Variants in CHFR observed in about 807,000 individuals in gnomAD.
CHFR encodes checkpoint with forkhead and ring finger domains, also known as E3 ubiquitin-protein ligase CHFR.
CHFR carries 57 observed loss-of-function variants against 87.6 expected under a neutral mutation model. The observed-to-expected ratio is 0.65, with a 90% confidence interval of 0.53 to 0.81. CHFR has a LOEUF of 0.81. Among genes scored for constraint, CHFR ranks in the 30% least tolerant of loss-of-function variants. The pLI is 0.00. For missense variants in CHFR, 797 were observed against 865.8 expected, an observed-to-expected ratio of 0.92 and a Z score of 1.00; for synonymous variants, 381 against 359.2, an observed-to-expected ratio of 1.06 and a Z score of -0.69.
At position 132,857,564 on chromosome 12, in the gene CHFR, A is replaced by C; in HGVS notation, c.912-5T>G. 6.2e-7 allele frequency: 1 copy of C among 1,613,520 alleles called. No individual in the cohort carries two copies. Among genetic ancestry groups the C allele is most frequent in the Non-Finnish European group, 8.5e-7 (1 of 1,179,746 alleles). On this transcript the variant is annotated splice_region_variant and splice_polypyrimidine_tract_variant and intron_variant, in intron 8 of 17. Coordinates refer to ENST00000450056, the MANE Select transcript of CHFR (RefSeq NM_001161346.2). ...GTGTGCATGCAGGGCTGCAAACTGAAAGTGCAAGAGGAACAGTGTCCAGAC... is the reference window on the plus strand; with the variant it reads ...GTGTGCATGCAGGGCTGCAAACTGACAGTGCAAGAGGAACAGTGTCCAGAC...
At chr12:132,857,627 C>A in intron 8 of CHFR, 68 bp from the exon 9 acceptor site, 2 of 1,512,468 alleles carry the variant, frequency 1.3e-6, no homozygotes, top group South Asian at 1.2e-5. Flanking sequence ...GACCAAGGTC[C>A]GCAGCAGCCC....
intron 8 of CHFR, 87 bp downstream of exon 8, chr12:132,858,981 G>C: frequency 7.4e-7 from 1 of 1,349,204 alleles, no homozygotes. Flanking sequence ...AGGACCTGCA[G>C]GCTTGTCTCA....
At chr12:132,867,786 G>A (rs1356899698) in intron 6 of CHFR, 6 of 152,118 alleles carry the variant, frequency 3.9e-5, no homozygotes, top group African/African-American at 1.4e-4. Flanking sequence ...GAAGAAAGCC[G>A]TGAGACTTCA....
chr12:132,861,032 C>A (rs1354059797), intron 7 of CHFR, among the ~76,000 whole-genome samples: 1 of 152,132 alleles, frequency 6.6e-6, no homozygotes, highest in Non-Finnish European at 1.5e-5. Flanking sequence ...AGATTATAGG[C>A]GGGAGCCACG....
Position 132,836,668 on chromosome 12 carries a change from CTG to C in CHFR, c.*4884_*4885del. ...AGACATGCACGACCAAGTGTCTGCT[CTG>C]TGTGAGGAACTTTAAGACCCCACCA... On this transcript the variant is annotated 3_prime_UTR_variant, in exon 18 of 18. Coordinates refer to ENST00000450056, the MANE Select transcript of CHFR (RefSeq NM_001161346.2). 6 of 456,128 alleles carry C rather than the reference CTG, an allele frequency of 1.3e-5. No homozygotes were observed. The highest frequency in any genetic ancestry group is 2.6e-5 in the Non-Finnish European group (6 of 226,818). 28.3% of individuals were successfully genotyped at this position (456,128 alleles called of 1,614,324 possible).
intron 16 of CHFR, 134 bp downstream of exon 16, chr12:132,843,893 G>C (rs2136916710): frequency 1.8e-6 from 1 of 554,908 alleles, no homozygotes; most frequent in East Asian, 3.2e-5. Flanking sequence ...AGGTTGCAGT[G>C]AGCCGAGATT....
intron 17 of CHFR, among the ~76,000 whole-genome samples, chr12:132,841,951 A>G (rs557346100): frequency 6.3e-4 from 96 of 152,134 alleles, no homozygotes; most frequent in Admixed American, 5.9e-3. Context: ...TACTAAAAAT[A>G]TTTAAAAAAT....
At chr12:132,847,762 G>A in intron 14 of CHFR, 9 of 1,231,034 alleles carry the variant, frequency 7.3e-6, no homozygotes, top group Non-Finnish European at 9.2e-6. Flanking sequence ...CTTGCTAAAG[G>A]GCGGCACCTT....
In CHFR at chr12:132,879,315, G is replaced by A. The variant is rs531763057; in HGVS notation, c.134-1661C>T. Among the ~76,000 whole-genome samples, 13 of 151,830 alleles carry A rather than the reference G, an allele frequency of 8.6e-5. No homozygotes were observed. In the East Asian group the frequency reaches 1.9e-3, roughly 23 times the overall value. ...TGGCCTGCGATAGGCATTTGTACAC[G>A]TATAAGAAACTGCATCTTATATACA... On this transcript the variant is annotated intron_variant, in intron 2 of 17. Transcript: ENST00000450056.
At position 132,887,157 on chromosome 12, in the gene CHFR, G is replaced by GCCCGGCCCCGGCC. The variant is rs757712188; in HGVS notation, c.133+26_133+38dup. ...GGCCTGCCCGCAACCCGGTGGCTCT[G>GCCCGGCCCCGGCC]CCCGGCCCCGGCCCCCGGCCCCGGC... On this transcript the variant is annotated intron_variant, in intron 2 of 17. Transcript: ENST00000450056. 1.2e-3 allele frequency: 1,781 copies of GCCCGGCCCCGGCC among 1,442,934 alleles called. 1 individual carries two copies. The highest frequency in any genetic ancestry group is 1.5e-3 in the Non-Finnish European group (1,655 of 1,103,194). 89.4% of individuals were successfully genotyped at this position (1,442,934 alleles called of 1,614,324 possible).
chr12:132,885,440 A>ATAAG (rs1458270110), intron 2 of CHFR, among the ~76,000 whole-genome samples: 2 of 151,200 alleles, frequency 1.3e-5, no homozygotes, highest in African/African-American at 2.4e-5. Context: ...AAATAAATAA[A>ATAAG]TAAATAAATA....
chr12:132,848,717 G>T lies in CHFR; in HGVS notation c.1500C>A (p.Val500=). ...ACAGGTGGCAGAAAGGCTGCAGGCA[G>T]ACCGCACCTGTGGAGAGAGGACACT... ...DPRVAPQQCA[V]CLQPFCHLYW... Residue 500 remains valine (V), a synonymous_variant, in exon 13 of 18, where the codon GTC becomes GTA. Transcript: ENST00000450056. 2 of 1,583,368 alleles carry T rather than the reference G, an allele frequency of 1.3e-6. No individual in the cohort carries two copies. Among genetic ancestry groups the T allele is most frequent in the Non-Finnish European group, 1.7e-6 (2 of 1,164,812 alleles).
chr12:132,848,166 G>C lies in CHFR; in HGVS notation c.1577-11C>G, dbSNP rs771207980. On this transcript the variant is annotated splice_polypyrimidine_tract_variant and intron_variant, in intron 13 of 17. Coordinates refer to ENST00000450056, the MANE Select transcript of CHFR (RefSeq NM_001161346.2). ...CACCCAGGTTGAGCTCTGCCGAGAT[G>C]AAGGGGCAATGTTACCTGTTTATAA... The C allele has an allele frequency of 7.0e-5, 113 of 1,614,046 alleles. No homozygotes were observed. Among genetic ancestry groups the C allele is most frequent in the Non-Finnish European group, 9.2e-5 (109 of 1,180,018 alleles).
Position 132,834,851 on chromosome 12 carries a change from G to C in CHFR, c.*6703C>G, listed in dbSNP as rs1258900598. On this transcript the variant is annotated 3_prime_UTR_variant, in exon 18 of 18. Coordinates refer to ENST00000450056, the MANE Select transcript of CHFR (RefSeq NM_001161346.2). ...CTGCCTCAGCCTCCCGAGTAGCTGG[G>C]ACTACAGGCACCCACCACCACGCCC... 1.3e-5 allele frequency: 2 copies of C among 152,106 alleles called. No homozygotes were observed. The highest frequency in any genetic ancestry group is 6.5e-5 in the Admixed American group (1 of 15,274). The allele number at this position is 152,106 out of a possible 1,614,324, so 9.4% of individuals were successfully genotyped here. A position where few individuals can be genotyped will look rare whatever the true frequency, so the allele number is the denominator to read the frequency against.
At chr12:132,870,134 C>CCT in intron 5 of CHFR, among the ~76,000 whole-genome samples, 1 of 151,904 alleles carries the variant, frequency 6.6e-6, no homozygotes, top group Non-Finnish European at 1.5e-5. Context: ...GGGTAGATCA[C>CCT]GAGGTCAGGA....
Position 132,857,449 on chromosome 12 carries a change from T to C in CHFR, c.1022A>G (p.His341Arg), listed in dbSNP as rs1951107360. The part of the protein sequence containing the change: ...RCPVERICKN[H>R]ILNNLVEAYL... ...TGCTTCCACGAGGTTGTTGAGGATG[T>C]GGTTTTTACAGATCCGCTCCACGGG... is the stretch of plus-strand genomic sequence containing the variant. Residue 341 changes from histidine to arginine, a missense_variant, in exon 9 of 18, where the codon CAC becomes CGC. By Grantham distance (29) the His-to-Arg change is conservative. Around this residue, in one of 2 missense-constraint regions of CHFR, gnomAD observed 597 missense variants for 601.2 expected, o/e 0.99. Coordinates refer to ENST00000450056, the MANE Select transcript of CHFR (RefSeq NM_001161346.2). 3 of 1,614,180 alleles carry C rather than the reference T, an allele frequency of 1.9e-6. No individual in the cohort carries two copies. Among genetic ancestry groups the C allele is most frequent in the Middle Eastern group, 1.6e-4 (1 of 6,062 alleles).
intron 15 of CHFR, 104 bp downstream of exon 15, chr12:132,846,939 C>T: frequency 1.2e-6 from 1 of 802,196 alleles, no homozygotes; most frequent in Admixed American, 2.0e-5. Flanking sequence ...TTCCTCTCTT[C>T]CAGGGTGGGT....
chr12:132,843,773 A>G (rs931038723), intron 16 of CHFR, among the ~76,000 whole-genome samples: 2 of 152,018 alleles, frequency 1.3e-5, no homozygotes, highest in Non-Finnish European at 2.9e-5. Context: ...ACATGGTGAA[A>G]CCCCGTCTCT....
chr12:132,880,890 A>T (rs914476569), intron 2 of CHFR, among the ~76,000 whole-genome samples: 1 of 152,030 alleles, frequency 6.6e-6, no homozygotes, highest in Non-Finnish European at 1.5e-5. Flanking sequence ...GTGGGAACCC[A>T]GGAAGCGGAG....
Sources: gnomAD v4.1 joint callset for allele counts (sites outside exome capture counted in the v4.1 genomes callset) on GRCh38, gnomAD v4.1.1 for gene constraint, gnomAD v4.1.1 regional missense constraint, MANE v1.5 for transcripts, NCBI Gene and HGNC (gene_info 2026-07-23, HGNC 2026-07-21) for gene names.